The following MATK variants were observed in gnomAD, a reference collection of about 807,000 sequenced individuals.
MATK encodes megakaryocyte-associated tyrosine kinase.
Under a neutral mutation model 59.8 loss-of-function variants are expected in MATK, and 41 were observed. That is an observed-to-expected ratio of 0.69 (90% CI 0.53 to 0.89). The LOEUF is 0.89. Among genes scored for constraint, MATK ranks in the 40% least tolerant of loss-of-function variants. MATK has a pLI of 0.00. For missense variants in MATK, 593 were observed against 719.6 expected, an observed-to-expected ratio of 0.82 and a Z score of 2.01; for synonymous variants, 308 against 306.1, an observed-to-expected ratio of 1.01 and a Z score of -0.06.
In MATK at chr19:3,784,038, G is replaced by C; in HGVS notation, c.363-5C>G. On this transcript the variant is annotated splice_polypyrimidine_tract_variant and splice_region_variant and intron_variant, in intron 5 of 13. Transcript: ENST00000310132. The stretch of plus-strand genomic sequence containing the variant: ...GAGATCTTCCCGTGGAACCACCTGC[G>C]GCCACGGAAGGGGTGGGTCAGACTG... 6.2e-7 allele frequency: 1 copy of C among 1,601,240 alleles called. No individual in the cohort carries two copies. The highest frequency in any genetic ancestry group is 8.5e-7 in the Non-Finnish European group (1 of 1,172,496).
Position 3,779,007 on chromosome 19 carries a change from C to T in MATK, c.1182G>A (p.Glu394=). ...CAGGGCTCACCCCGTGTTTGAGAGC[C>T]TCGGGCGCCGTCCACTTGACGGGCA... ...SRLPVKWTAP[E]ALKHGKFTSK... Residue 394 remains glutamate, a synonymous_variant, in exon 12 of 14, where the codon GAG becomes GAA. Transcript: ENST00000310132. 2 of 1,572,268 alleles carry T rather than the reference C, an allele frequency of 1.3e-6. No individual in the cohort carries two copies. The highest frequency in any genetic ancestry group is 1.7e-6 in the Non-Finnish European group (2 of 1,161,970).
At chr19:3,797,487 T>C (rs78524167) in intron 1 of MATK, among the ~76,000 whole-genome samples, 2 of 151,564 alleles carry the variant, frequency 1.3e-5, no homozygotes, top group Non-Finnish European at 2.9e-5. Context: ...AGTCTCACTA[T>C]GTTTCCCAGG....
At chr19:3,788,843 C>T (rs2037514904), upstream of MATK, among the ~76,000 whole-genome samples, 1 of 151,954 alleles carries the variant, frequency 6.6e-6, no homozygotes, top group African/African-American at 2.4e-5. Context: ...AGGCACATGC[C>T]ACCACACCCA....
At chr19:3,793,658 C>T (rs932454996) in intron 1 of MATK, among the ~76,000 whole-genome samples, 2 of 149,668 alleles carry the variant, frequency 1.3e-5, no homozygotes, top group Admixed American at 1.3e-4. Context: ...GCGGAGATCA[C>T]GCCACTGCAC....
At chr19:3,782,125 C>A (rs546539503) in intron 7 of MATK, among the ~76,000 whole-genome samples, 1 of 152,262 alleles carries the variant, frequency 6.6e-6, no homozygotes, top group East Asian at 1.9e-4. Flanking sequence ...AGTTCTTTAC[C>A]TCTGACCACC....
upstream of MATK, among the ~76,000 whole-genome samples, chr19:3,787,178 G>A (rs1187439723): frequency 1.3e-5 from 2 of 152,112 alleles, no homozygotes; most frequent in African/African-American, 2.4e-5. Flanking sequence ...TATCCCCTGG[G>A]CTGGAGTGCA....
At position 3,778,152 on chromosome 19, in the gene MATK, C is replaced by T. The variant is rs767074696; in HGVS notation, c.*31G>A. On this transcript the variant is annotated 3_prime_UTR_variant, in exon 14 of 14. Transcript: ENST00000310132. ...ACGCCGCACTCTCCACTCTCTCGGT[C>T]CTCTGGGGCCAAGGGCCCCACCGGG... 2.0e-6 allele frequency: 3 copies of T among 1,533,452 alleles called. No homozygotes were observed. In the South Asian group the frequency reaches 3.6e-5, roughly 19 times the overall value. 95.0% of individuals were successfully genotyped at this position (1,533,452 alleles called of 1,614,324 possible).
intron 11 of MATK, 26 bp downstream of exon 11, chr19:3,779,352 C>T (rs369331552): frequency 2.1e-5 from 34 of 1,611,534 alleles, no homozygotes; most frequent in Non-Finnish European, 2.5e-5. Flanking sequence ...ACCCCAGTGC[C>T]GCAGCACCCT....
rs79257433 is a variant in MATK at position 3,784,895 on chromosome 19, G to A, written c.73-11C>T. ...GAAGCGGGGGCTCACCTGGGGAGGGGACAGAGTCCAGGTGGGAGCTGGGCT... is the reference window on the plus strand; with the variant it reads ...GAAGCGGGGGCTCACCTGGGGAGGGAACAGAGTCCAGGTGGGAGCTGGGCT... On this transcript the variant is annotated splice_polypyrimidine_tract_variant and intron_variant, in intron 2 of 13. Transcript: ENST00000310132. The A allele has an allele frequency of 7.9e-3, 11,971 of 1,512,156 alleles. 66 individuals carry two copies. The highest frequency in any genetic ancestry group is 8.5e-3 in the Non-Finnish European group (9,438 of 1,110,700). 93.7% of individuals were successfully genotyped at this position (1,512,156 alleles called of 1,614,324 possible). A position where few individuals can be genotyped will look rare whatever the true frequency, so the allele number is the denominator to read the frequency against.
chr19:3,799,177 G>C (rs377672583), intron 1 of MATK, among the ~76,000 whole-genome samples: 1 of 152,058 alleles, frequency 6.6e-6, no homozygotes, highest in Admixed American at 6.6e-5. Flanking sequence ...GAACCTTTCT[G>C]TGCAGCAAGC....
rs752496411 is a variant in MATK at position 3,784,431 on chromosome 19, G to T, written c.153C>A (p.Thr51=). Residue 51 remains threonine, a synonymous_variant, in exon 4 of 14, where the codon ACC becomes ACA. Transcript: ENST00000310132. ...TGTGCTCGCATTTGGTGATACACTG[G>T]GTGCCCGGGGCCCAGCGCCTCTGCA... ...RMPTRRWAPG[T]QCITKCEHTR... is the part of the protein sequence containing the mutation. 1.9e-6 allele frequency: 3 copies of T among 1,599,894 alleles called. No individual in the cohort carries two copies. The highest frequency in any genetic ancestry group is 1.3e-5 in the African/African-American group (1 of 74,774).
chr19:3,801,084 G>A (rs1012669042), intron 1 of MATK, among the ~76,000 whole-genome samples: 2 of 152,084 alleles, frequency 1.3e-5, no homozygotes, highest in African/African-American at 2.4e-5. Flanking sequence ...TAATCCGCCC[G>A]CCTCGGCCTC....
chr19:3,784,654 GGC>G, intron 3 of MATK, 169 bp downstream of exon 3: 1 of 681,018 alleles, frequency 1.5e-6, no homozygotes, highest in Admixed American at 2.4e-5. Flanking sequence ...CACAAAGAGA[GGC>G]GGCCTGGGAC....
intron 2 of MATK, 72 bp downstream of exon 2, chr19:3,784,992 A>G: frequency 6.7e-7 from 1 of 1,484,822 alleles, no homozygotes. Context: ...AGGCAGAGAG[A>G]GCCTCCCCAG....
upstream of MATK, among the ~76,000 whole-genome samples, chr19:3,790,476 C>T (rs962993477): frequency 5.9e-5 from 9 of 152,180 alleles, no homozygotes; most frequent in African/African-American, 1.9e-4. Flanking sequence ...GGGAAAGAAA[C>T]GTGACTGTGT....
At chr19:3,779,237 T>C in intron 11 of MATK, 50 bp from the exon 12 acceptor site, 1 of 1,548,744 alleles carries the variant, frequency 6.5e-7, no homozygotes, top group Non-Finnish European at 8.8e-7. Flanking sequence ...ATGCCCACAT[T>C]CAGGGCTCAG....
At chr19:3,781,707 GC>G in intron 7 of MATK, 35 bp from the exon 8 acceptor site, 1 of 1,565,962 alleles carries the variant, frequency 6.4e-7, no homozygotes, top group Non-Finnish European at 8.8e-7. Context: ...GGGGTAATGG[GC>G]CCCCTAAATC....
At chr19:3,785,358 G>A in intron 1 of MATK, 72 bp from the exon 2 acceptor site, 1 of 1,097,254 alleles carries the variant, frequency 9.1e-7, no homozygotes, top group East Asian at 2.7e-5. Context: ...CTCTGACCGT[G>A]GGGTGGAGCT....
chr19:3,778,554 C>A lies in MATK; in HGVS notation c.1239G>T (p.Leu413=). ...GTCCATATGAGAAGACCTCCCAGAG[C>A]AGCACCCCAAAACTCCAGACATCCG... is the stretch of plus-strand genomic sequence containing the variant. ...SKSDVWSFGV[L]LWEVFSYGRA... The change falls in exon 13 of 14, where the codon CTG becomes CTT. Residue 413 remains leucine, a synonymous_variant. Transcript: ENST00000310132. 1 of 1,613,842 alleles carries A rather than the reference C, an allele frequency of 6.2e-7. No individual in the cohort carries two copies. The highest frequency in any genetic ancestry group is 8.5e-7 in the Non-Finnish European group (1 of 1,179,946).
Sources: allele counts gnomAD v4.1 joint callset (sites outside exome capture counted in the v4.1 genomes callset), GRCh38; gene constraint gnomAD v4.1.1; transcripts MANE v1.5; gene names NCBI Gene and HGNC (gene_info 2026-07-23, HGNC 2026-07-21).